DNAH2: variants seen among roughly 807,000 people sequenced by gnomAD.
The protein encoded by DNAH2 is dynein axonemal heavy chain 2, also known as axonemal beta dynein heavy chain 2.
Under a neutral mutation model 523.5 loss-of-function variants are expected in DNAH2, and 323 were observed. That is an observed-to-expected ratio of 0.62 (90% confidence interval 0.56 to 0.68). DNAH2 has a LOEUF of 0.68. DNAH2 is among the 30% of genes least tolerant of loss of function. DNAH2 has a pLI of 0.00. For synonymous variants in DNAH2, 2,093 were observed against 2,177.4 expected, an observed-to-expected ratio of 0.96 and a Z score of 1.08; for missense variants, 4,907 against 5,701.5, an observed-to-expected ratio of 0.86 and a Z score of 4.49.
intron 2 of DNAH2, among the ~76,000 whole-genome samples, chr17:7,721,004 CT>C (rs71159523): frequency 0.022 from 2,440 of 109,672 alleles, 15 homozygotes; most frequent in African/African-American, 0.05. Context: ...TTCTTTCTTT[CT>C]TTTTTTTTTT....
Position 7,798,742 on chromosome 17 carries a change from A to G in DNAH2, c.8559+24A>G. The G allele has an allele frequency of 1.2e-6, 2 of 1,603,404 alleles. No individual in the cohort carries two copies. The highest frequency in any genetic ancestry group is 1.7e-6 in the Non-Finnish European group (2 of 1,175,948). ...AGGTAGGATTCCTTCCACACCCTTGACCAGTCAGTTCTTTGGCCTGCCTAG... is the reference window on the plus strand; with the variant it reads ...AGGTAGGATTCCTTCCACACCCTTGGCCAGTCAGTTCTTTGGCCTGCCTAG... On this transcript the variant is annotated intron_variant, in intron 55 of 85. Coordinates refer to ENST00000572933, the MANE Select transcript of DNAH2 (RefSeq NM_020877.5). The surrounding 1 kb of genome is among the most constrained non-coding windows in gnomAD (Gnocchi z 5.5).
intron 30 of DNAH2, among the ~76,000 whole-genome samples, chr17:7,775,691 CAAAAAAAAAAAAAG>C (rs1237544021): frequency 3.6e-5 from 3 of 82,862 alleles, no homozygotes; most frequent in Non-Finnish European, 8.0e-5. Flanking sequence ...GTCTCAAAAC[CAAAAAAAAAAAAAG>C]AAAAAAAAAA....
In DNAH2 at chr17:7,804,948, T is replaced by C. The variant is rs1397796099; in HGVS notation, c.9184-10T>C. On this transcript the variant is annotated splice_polypyrimidine_tract_variant and intron_variant, in intron 59 of 85. Coordinates refer to ENST00000572933, the MANE Select transcript of DNAH2 (RefSeq NM_020877.5). ...AAGACAAAAAACCCTTGTCCTTTTT[T>C]CATCCCTAGGCCGTAACAGCCAACA... 6.2e-7 allele frequency: 1 copy of C among 1,611,966 alleles called. No homozygotes were observed. The highest frequency in any genetic ancestry group is 8.5e-7 in the Non-Finnish European group (1 of 1,178,662).
chr17:7,764,409 C>T, intron 20 of DNAH2, 136 bp downstream of exon 20: 1 of 1,005,986 alleles, frequency 9.9e-7, no homozygotes, highest in East Asian at 2.5e-5. Flanking sequence ...AAAGCTAGCT[C>T]AAATGATACC....
In DNAH2 at chr17:7,718,225, T is replaced by C. The variant is rs1187568256; in HGVS notation, c.-589T>C. The C allele has an allele frequency of 1.3e-5, 2 of 152,168 alleles. No homozygotes were observed. Among genetic ancestry groups the C allele is most frequent in the East Asian group, 3.9e-4 (2 of 5,180 alleles). The allele number at this position is 152,168 out of a possible 1,614,324, so 9.4% of individuals were successfully genotyped here. A position where few individuals can be genotyped will look rare whatever the true frequency, so the allele number is the denominator to read the frequency against. On this transcript the variant is annotated 5_prime_UTR_variant, in exon 1 of 86. It removes an upstream start codon present in the reference 5' UTR. Coordinates refer to ENST00000572933, the MANE Select transcript of DNAH2 (RefSeq NM_020877.5). ...ATCGCGTGGTGAACCCCACGGTGCA[T>C]GCGCCTCAGGCTCTAGTTTGAGGCA...
intron 12 of DNAH2, among the ~76,000 whole-genome samples, chr17:7,750,701 T>TA (rs1239775853): frequency 1.3e-5 from 2 of 152,214 alleles, no homozygotes; most frequent in African/African-American, 4.8e-5. Flanking sequence ...TCAAGAGGCT[T>TA]ACTCACTTTG....
Position 7,780,435 on chromosome 17 carries a change from G to T in DNAH2, c.5850+151G>T. On this transcript the variant is annotated intron_variant, in intron 37 of 85. Coordinates refer to ENST00000572933, the MANE Select transcript of DNAH2 (RefSeq NM_020877.5). The surrounding 1 kb of genome is among the most constrained non-coding windows in gnomAD (Gnocchi z 4.4). Reference sequence around the variant, plus strand: ...GGATGTGTGGGGAGAAAAATTTAGGGGAGGGAGGTGTCTCCTCCGTGATAT... The same window carrying T: ...GGATGTGTGGGGAGAAAAATTTAGGTGAGGGAGGTGTCTCCTCCGTGATAT... 7.1e-7 allele frequency: 1 copy of T among 1,410,348 alleles called. No individual in the cohort carries two copies. The highest frequency in any genetic ancestry group is 9.8e-7 in the Non-Finnish European group (1 of 1,020,522). 87.4% of individuals were successfully genotyped at this position (1,410,348 alleles called of 1,614,324 possible). A position where few individuals can be genotyped will look rare whatever the true frequency, so the allele number is the denominator to read the frequency against.
intron 77 of DNAH2, among the ~76,000 whole-genome samples, chr17:7,825,680 C>G (rs1273855351): frequency 6.6e-6 from 1 of 152,242 alleles, no homozygotes; most frequent in Non-Finnish European, 1.5e-5. Flanking sequence ...GTTTCTCATT[C>G]TACTTTCTCC....
intron 24 of DNAH2, among the ~76,000 whole-genome samples, chr17:7,769,483 C>T (rs917331955): frequency 1.3e-5 from 2 of 152,204 alleles, no homozygotes; most frequent in South Asian, 4.1e-4. Flanking sequence ...TTTTGTTATA[C>T]AAAAGATTTT....
chr17:7,797,605 G>T, intron 52 of DNAH2, 75 bp downstream of exon 52: 1 of 1,613,834 alleles, frequency 6.2e-7, no homozygotes, highest in Non-Finnish European at 8.5e-7. Flanking sequence ...AGGGCATGGG[G>T]TCTGAAGTGT....
chr17:7,817,767 T>G (rs755930555), intron 66 of DNAH2, 23 bp from the exon 67 acceptor site: 1 of 1,613,992 alleles, frequency 6.2e-7, no homozygotes, highest in East Asian at 2.2e-5. Flanking sequence ...GGGCCTCACC[T>G]CTGACCTGTA....
At chr17:7,813,338 G>A (rs928391198) in intron 63 of DNAH2, among the ~76,000 whole-genome samples, 10 of 151,370 alleles carry the variant, frequency 6.6e-5, no homozygotes, top group Admixed American at 5.9e-4. Flanking sequence ...CAATCCTCCC[G>A]CCTCTGCCTC....
chr17:7,768,610 T>C (rs1162594726), intron 24 of DNAH2, among the ~76,000 whole-genome samples: 1 of 152,206 alleles, frequency 6.6e-6, no homozygotes, highest in Non-Finnish European at 1.5e-5. Flanking sequence ...AGATTGTTAT[T>C]AACCATTGTT....
intron 44 of DNAH2, among the ~76,000 whole-genome samples, chr17:7,791,564 C>T (rs904570431): frequency 6.6e-6 from 1 of 152,146 alleles, no homozygotes; most frequent in Non-Finnish European, 1.5e-5. Flanking sequence ...TTTCAGTCAT[C>T]TCCAGTGTTT....
chr17:7,786,734 T>C lies in DNAH2; in HGVS notation c.6466+47T>C. On this transcript the variant is annotated intron_variant, in intron 41 of 85. Transcript: ENST00000572933. This position sits in a 1 kb window ranked among gnomAD's most constrained non-coding sequence, Gnocchi z 7.5. ...GTGGAGAGCAGACGCCTGAGTCTCCTAAGGGGGCAGGGAGTCTGGGGATAG... is the reference window on the plus strand; with the variant it reads ...GTGGAGAGCAGACGCCTGAGTCTCCCAAGGGGGCAGGGAGTCTGGGGATAG... 6 of 1,604,966 alleles carry C rather than the reference T, an allele frequency of 3.7e-6. No individual in the cohort carries two copies. The highest frequency in any genetic ancestry group is 5.1e-6 in the Non-Finnish European group (6 of 1,172,804).
chr17:7,757,669 C>T (rs891664627), intron 13 of DNAH2, among the ~76,000 whole-genome samples: 1 of 152,192 alleles, frequency 6.6e-6, no homozygotes, highest in Admixed American at 6.5e-5. Flanking sequence ...TAGGTACTGT[C>T]TTAGTCTGTT....
chr17:7,776,963 C>T (rs373381579), intron 32 of DNAH2, 74 bp downstream of exon 32: 29 of 1,268,626 alleles, frequency 2.3e-5, no homozygotes, highest in African/African-American at 1.0e-4. Context: ...GGAGCCCACT[C>T]GCTTGAGCCC....
At chr17:7,741,297 C>CTTT (rs1491588292) in intron 11 of DNAH2, among the ~76,000 whole-genome samples, 4,858 of 60,996 alleles carry the variant, frequency 0.08, 559 homozygotes, top group Middle Eastern at 0.13. Flanking sequence ...TTTCTTTCTT[C>CTTT]CTTCCTTCCC....
chr17:7,721,879 C>T (rs72829783), intron 2 of DNAH2, among the ~76,000 whole-genome samples: 40,665 of 152,118 alleles, frequency 0.27, 6,550 homozygotes, highest in East Asian at 0.47. Context: ...TTCCTATGAG[C>T]CCCAACTTCT....
Sources: allele counts gnomAD v4.1 joint callset (sites outside exome capture counted in the v4.1 genomes callset), GRCh38; gene constraint gnomAD v4.1.1; non-coding constraint Gnocchi (gnomAD v3.1); transcripts MANE v1.5; gene names NCBI Gene and HGNC (gene_info 2026-07-23, HGNC 2026-07-21).